Variants in INTS9 observed in about 807,000 individuals in gnomAD.
INTS9 encodes the protein integrator complex subunit 9.
INTS9 carries 55 observed loss-of-function variants against 79.7 expected under a neutral mutation model. The observed-to-expected ratio is 0.69, with a 90% confidence interval of 0.56 to 0.86. The LOEUF is 0.86. INTS9 is among the 40% of genes least tolerant of loss of function. INTS9 has a pLI of 0.00. For synonymous variants in INTS9, 319 were observed against 325.2 expected (o/e 0.98, Z 0.20); for missense variants, 721 against 831.5 (o/e 0.87, Z 1.64).
intron 1 of INTS9, among the ~76,000 whole-genome samples, chr8:28,876,144 G>T (rs1475999886): frequency 6.6e-6 from 1 of 152,070 alleles, no homozygotes; most frequent in Non-Finnish European, 1.5e-5. Context: ...GGTTTATCAG[G>T]CCTATCTCTG....
At chr8:28,870,329 T>TC (rs1406346239) in intron 1 of INTS9, among the ~76,000 whole-genome samples, 3 of 149,554 alleles carry the variant, frequency 2.0e-5, no homozygotes, top group Admixed American at 6.8e-5. Flanking sequence ...ATTTTTTTTT[T>TC]TTTTAGAATC....
intron 3 of INTS9, among the ~76,000 whole-genome samples, chr8:28,849,644 A>T (rs886981187): frequency 1.3e-5 from 2 of 152,142 alleles, no homozygotes; most frequent in Non-Finnish European, 2.9e-5. Flanking sequence ...GGGGAAGTCA[A>T]ACACTCTGCT....
chr8:28,820,662 C>G (rs1397570465), intron 6 of INTS9, among the ~76,000 whole-genome samples: 1 of 151,996 alleles, frequency 6.6e-6, no homozygotes, highest in Non-Finnish European at 1.5e-5. Flanking sequence ...CTTTCAAGGC[C>G]AAAGATCACA....
chr8:28,864,371 G>A (rs1808623285), intron 1 of INTS9, among the ~76,000 whole-genome samples: 1 of 152,194 alleles, frequency 6.6e-6, no homozygotes, highest in Non-Finnish European at 1.5e-5. Flanking sequence ...CATCACTGAA[G>A]GAGGTATATT....
At chr8:28,840,253 C>T (rs1286803780) in intron 4 of INTS9, among the ~76,000 whole-genome samples, 4 of 151,636 alleles carry the variant, frequency 2.6e-5, no homozygotes, top group African/African-American at 9.7e-5. Context: ...TACCATCTCA[C>T]ACCAGTTAGA....
intron 6 of INTS9, among the ~76,000 whole-genome samples, chr8:28,831,226 C>A (rs369474533): frequency 6.6e-6 from 1 of 152,202 alleles, no homozygotes; most frequent in Admixed American, 6.5e-5. Context: ...CCAAACACCG[C>A]GTGTTCTCAC....
In INTS9 at chr8:28,859,577, A is replaced by G. The variant is rs757215947; in HGVS notation, c.10-14T>C. 2 of 1,613,580 alleles carry G rather than the reference A, an allele frequency of 1.2e-6. No individual in the cohort carries two copies. Among genetic ancestry groups the G allele is most frequent in the Admixed American group, 1.7e-5 (1 of 60,024 alleles). The stretch of plus-strand genomic sequence containing the variant: ...TGACAGGCAATACTGAAAAAAATTA[A>G]ATCACTTTGATCAGTAATCAATTAC... On this transcript the variant is annotated splice_polypyrimidine_tract_variant and intron_variant, in intron 1 of 16. Coordinates refer to ENST00000521022, the MANE Select transcript of INTS9 (RefSeq NM_018250.4).
chr8:28,814,284 TCACACACACACA>T (rs60850682), intron 6 of INTS9, among the ~76,000 whole-genome samples: 3,532 of 134,326 alleles, frequency 0.026, 81 homozygotes, highest in African/African-American at 0.034. Flanking sequence ...ACAGGGCTTC[TCACACACACACA>T]CACACACACA....
intron 1 of INTS9, among the ~76,000 whole-genome samples, chr8:28,885,028 C>G (rs953880597): frequency 5.3e-5 from 8 of 152,192 alleles, no homozygotes; most frequent in African/African-American, 1.9e-4. Context: ...CCCTTTCAAG[C>G]AATCTTCTAC....
chr8:28,770,267 G>T (rs1047065205), intron 15 of INTS9, among the ~76,000 whole-genome samples: 5 of 152,234 alleles, frequency 3.3e-5, no homozygotes, highest in Non-Finnish European at 7.3e-5. Context: ...CTTCTATCAA[G>T]ATCCATTTTT....
Position 28,854,055 on chromosome 8 carries a change from T to C in INTS9, c.138-3782A>G, listed in dbSNP as rs529252633. Among the ~76,000 whole-genome samples the C allele has an allele frequency of 2.0e-5, 3 of 152,084 alleles. No individual in the cohort carries two copies. The South Asian group carries it at 6.2e-4, about 32-fold the overall frequency. ...TTTTTTATTTTTATTAGAGACAGAG[T>C]CTTACTCTGTCACCCAAGCTGGAAA... On this transcript the variant is annotated intron_variant, in intron 2 of 16. Coordinates refer to ENST00000521022, the MANE Select transcript of INTS9 (RefSeq NM_018250.4).
At position 28,769,075 on chromosome 8, in the gene INTS9, G is replaced by A. The variant is rs1053253970; in HGVS notation, c.1801-753C>T. On this transcript the variant is annotated intron_variant, in intron 16 of 16. Coordinates refer to ENST00000521022, the MANE Select transcript of INTS9 (RefSeq NM_018250.4). ...GCCCTGCAAGGTCTTCAGGGAGGGT[G>A]GAAGAGAGCCGCAACCACCCAGCCA... Among the ~76,000 whole-genome samples the A allele has an allele frequency of 1.7e-4, 26 of 152,310 alleles. 1 individual carries two copies. Among genetic ancestry groups the A allele is most frequent in the Admixed American group, 1.5e-3 (23 of 15,296 alleles).
chr8:28,880,844 A>T (rs1385456324), intron 1 of INTS9, among the ~76,000 whole-genome samples: 1 of 146,812 alleles, frequency 6.8e-6, no homozygotes, highest in Non-Finnish European at 1.5e-5. Context: ...CCCATCTAGG[A>T]AGTGAGGAGC....
chr8:28,882,333 G>A lies in INTS9; in HGVS notation c.9+7541C>T, dbSNP rs1809906159. On this transcript the variant is annotated intron_variant, in intron 1 of 16. Transcript: ENST00000521022. ...CAAACACTGCGGAAGGCCGAAGGCC[G>A]CAGGGTCCTCTGCCTAGGAAAACCA... 5.8e-5 allele frequency among the ~76,000 whole-genome samples: 3 copies of A among 51,578 alleles called. 1 individual carries two copies. Among genetic ancestry groups the A allele is most frequent in the African/African-American group, 1.3e-4 (3 of 23,276 alleles). 33.8% of individuals were successfully genotyped at this position (51,578 alleles called of 152,430 possible).
intron 6 of INTS9, among the ~76,000 whole-genome samples, chr8:28,817,452 A>T (rs935462658): frequency 6.6e-6 from 1 of 152,148 alleles, no homozygotes; most frequent in Non-Finnish European, 1.5e-5. Context: ...TTTGTCAAAG[A>T]TCAGATAGTT....
intron 1 of INTS9, among the ~76,000 whole-genome samples, chr8:28,862,627 A>C (rs557882260): frequency 6.6e-6 from 1 of 152,316 alleles, no homozygotes; most frequent in South Asian, 2.1e-4. Flanking sequence ...AATCTGCCAA[A>C]ATGCTTTCCA....
At chr8:28,834,358 A>G (rs1422366367) in intron 6 of INTS9, among the ~76,000 whole-genome samples, 3 of 151,978 alleles carry the variant, frequency 2.0e-5, no homozygotes, top group Non-Finnish European at 1.5e-5. Flanking sequence ...CCACTGGCCA[A>G]CTTCACACTC....
At chr8:28,878,337 C>T (rs1026736079) in intron 1 of INTS9, among the ~76,000 whole-genome samples, 2 of 151,890 alleles carry the variant, frequency 1.3e-5, no homozygotes, top group Admixed American at 1.3e-4. Flanking sequence ...TTTTGAAATA[C>T]GGTCTCACTC....
chr8:28,862,306 T>A, intron 1 of INTS9: 1 of 859,372 alleles, frequency 1.2e-6, no homozygotes, highest in Non-Finnish European at 1.4e-6. Context: ...TTTTTTCATA[T>A]TTGTAAAAGC....
Sources: allele counts gnomAD v4.1 joint callset (sites outside exome capture counted in the v4.1 genomes callset), GRCh38; gene constraint gnomAD v4.1.1; transcripts MANE v1.5; gene names NCBI Gene and HGNC (gene_info 2026-07-23, HGNC 2026-07-21).